GEMIN8: variants seen among roughly 807,000 people sequenced by gnomAD.
GEMIN8 encodes gem-associated protein 8.
For synonymous variants in GEMIN8, 80 were observed against 78.5 expected (o/e 1.02, Z -0.10); for missense variants, 185 against 205.9 (o/e 0.90, Z 0.62).
chrX:14,021,443 AT>A lies in GEMIN8; in HGVS notation c.15+20del. Reference sequence around the variant, plus strand: ...TTTTACTTACGAGCTCAAAAAAAAAATAAAAAAATAAAAATCTTACCTTTAC... The same window carrying A: ...TTTTACTTACGAGCTCAAAAAAAAAAAAAAAAATAAAAATCTTACCTTTAC... On this transcript the variant is annotated intron_variant, in intron 3 of 4. Transcript: ENST00000680255. 3 of 985,742 alleles carry A rather than the reference AT, an allele frequency of 3.0e-6. No homozygotes were observed. The highest frequency in any genetic ancestry group is 2.9e-6 in the Non-Finnish European group (2 of 699,053). 81.2% of individuals were successfully genotyped at this position (985,742 alleles called of 1,213,427 possible). A position where few individuals can be genotyped will look rare whatever the true frequency, so the allele number is the denominator to read the frequency against.
chrX:14,026,775 T>A (rs1924719983), intron 1 of GEMIN8, among the ~76,000 whole-genome samples: 1 of 112,699 alleles, frequency 8.9e-6, no homozygotes, highest in Admixed American at 9.3e-5. Flanking sequence ...CCCTAAAAAC[T>A]AGAATGTATA....
chrX:14,029,267 G>A (rs1718552154), intron 1 of GEMIN8: 1 of 112,201 alleles, frequency 8.9e-6, no homozygotes. Flanking sequence ...CAAGAGAAAA[G>A]AAAGAAACCC....
intron 2 of GEMIN8, among the ~76,000 whole-genome samples, chrX:14,022,689 A>C (rs1181533783): frequency 8.9e-6 from 1 of 112,151 alleles, no homozygotes; most frequent in Non-Finnish European, 1.9e-5. Flanking sequence ...ATGATAATTT[A>C]AGTTTCTGTG....
chrX:14,005,295 C>A (rs1239200838), downstream of GEMIN8, among the ~76,000 whole-genome samples: 1 of 111,150 alleles, frequency 9.0e-6, no homozygotes, highest in African/African-American at 3.3e-5. Flanking sequence ...CACCCCCTAA[C>A]CTCCAGGGAA....
chrX:14,023,927 C>A (rs950586870), intron 2 of GEMIN8, among the ~76,000 whole-genome samples: 2 of 112,215 alleles, frequency 1.8e-5, no homozygotes, highest in African/African-American at 6.5e-5. Context: ...ATCAATTATT[C>A]CAAACTGGGA....
chrX:14,009,680 G>A (rs1233141484), intron 4 of GEMIN8, among the ~76,000 whole-genome samples: 1 of 112,109 alleles, frequency 8.9e-6, no homozygotes, highest in Non-Finnish European at 1.9e-5. Flanking sequence ...TCATCTGCAC[G>A]GCCCACTCAC....
intron 2 of GEMIN8, among the ~76,000 whole-genome samples, chrX:14,021,818 A>ATATATATATATATAG (rs1208379002): frequency 1.1e-4 from 5 of 44,343 alleles, no homozygotes; most frequent in Admixed American, 6.3e-4. Context: ...GTGTGTGTAT[A>ATATATATATATATAG]TATATATATA....
At position 14,020,507 on chromosome X, in the gene GEMIN8, A is replaced by G; in HGVS notation, c.43T>C (p.Trp15Arg). 1.7e-6 allele frequency: 2 copies of G among 1,194,716 alleles called. No homozygotes were observed. Among genetic ancestry groups the G allele is most frequent in the Non-Finnish European group, 1.1e-6 (1 of 880,192 alleles). The change falls in exon 4 of 5, where the codon TGG (tryptophan) becomes CGG (arginine). Residue 15 changes from tryptophan (W) to arginine (R), a missense_variant. Transcript: ENST00000680255. ...CTTGCATATACCGGATGAGAATACC[A>G]AGGCCTGGTAGCTTTCGATGTTGAT... is the stretch of plus-strand genomic sequence containing the variant. Reference protein sequence around the residue: ...KASTSKATRPWYSHPVYARYW... With the variant: ...KASTSKATRPRYSHPVYARYW...
downstream of GEMIN8, among the ~76,000 whole-genome samples, chrX:14,001,815 C>T (rs1332193714): frequency 9.3e-6 from 1 of 107,063 alleles, no homozygotes; most frequent in Non-Finnish European, 1.9e-5. Flanking sequence ...CCGGCCCCAA[C>T]ATGTGCTTCT....
rs752633162 is a variant in GEMIN8 at position 14,009,452 on chromosome X, C to T, written c.473-283G>A. On this transcript the variant is annotated intron_variant, in intron 4 of 4. Coordinates refer to ENST00000680255, the MANE Select transcript of GEMIN8 (RefSeq NM_001042479.2). ...GAGTGCCTATAGTCCCACCTACTTG[C>T]GAGGCTGAGGTGGGAGGATGGCTTG... Among the ~76,000 whole-genome samples, 174 of 111,287 alleles carry T rather than the reference C, an allele frequency of 1.6e-3. 1 individual carries two copies. The highest frequency in any genetic ancestry group is 2.6e-3 in the Non-Finnish European group (136 of 52,994).
intron 2 of GEMIN8, among the ~76,000 whole-genome samples, chrX:14,021,816 A>G (rs113559302): frequency 0.012 from 467 of 39,186 alleles, 6 homozygotes; most frequent in East Asian, 0.087. Flanking sequence ...ATGTGTGTGT[A>G]TATATATATA....
In GEMIN8 at chrX:14,014,558, C is replaced by T. The variant is rs1322538427; in HGVS notation, c.473-5389G>A. 15 of 742,462 alleles carry T rather than the reference C, an allele frequency of 2.0e-5. No homozygotes were observed. In the East Asian group the frequency reaches 1.1e-3, roughly 53 times the overall value. The allele number at this position is 742,462 out of a possible 1,213,427, so 61.2% of individuals were successfully genotyped here. A position where few individuals can be genotyped will look rare whatever the true frequency, so the allele number is the denominator to read the frequency against. The stretch of plus-strand genomic sequence containing the variant: ...ATATCTGCACCAGATGAAACACACA[C>T]GCATGTCAGGATTGTGCTCAATCAC... On this transcript the variant is annotated intron_variant, in intron 4 of 4. Coordinates refer to ENST00000680255, the MANE Select transcript of GEMIN8 (RefSeq NM_001042479.2).
In GEMIN8 at chrX:14,007,119, GTTAA is replaced by G. The variant is rs754989805; in HGVS notation, c.*1790_*1793del. ...TAGTTATGTGTCACCTCAAGGGAAA[GTTAA>G]TTATCATTTTTGTCGGCAACACCTA... On this transcript the variant is annotated 3_prime_UTR_variant, in exon 5 of 5. Coordinates refer to ENST00000680255, the MANE Select transcript of GEMIN8 (RefSeq NM_001042479.2). 8.9e-6 allele frequency among the ~76,000 whole-genome samples: 1 copy of G among 112,440 alleles called. No homozygotes were observed. Among genetic ancestry groups the G allele is most frequent in the South Asian group, 3.7e-4 (1 of 2,688 alleles).
chrX:13,996,933 C>CTTTTTTTT, the GEMIN8 span, among the ~76,000 whole-genome samples: 1 of 66,919 alleles, frequency 1.5e-5, no homozygotes, highest in African/African-American at 6.4e-5. Flanking sequence ...TGTGGCTTGT[C>CTTTTTTTT]TTTTTTTTTT....
chrX:14,009,021 G>A lies in GEMIN8; in HGVS notation c.621C>T (p.Asp207=). 2 of 1,211,677 alleles carry A rather than the reference G, an allele frequency of 1.7e-6. No homozygotes were observed. The highest frequency in any genetic ancestry group is 2.2e-6 in the Non-Finnish European group (2 of 895,218). The change falls in exon 5 of 5, where the codon GAC becomes GAT. Residue 207 remains aspartate (D), a synonymous_variant. Coordinates refer to ENST00000680255, the MANE Select transcript of GEMIN8 (RefSeq NM_001042479.2). ...RQAEMKRLYG[D]SAAKIQAMEA... ...CCATGGCTTGGATCTTGGCAGCACTGTCCCCGTACAAACGCTTCATCTCGG... is the reference window on the plus strand; with the variant it reads ...CCATGGCTTGGATCTTGGCAGCACTATCCCCGTACAAACGCTTCATCTCGG...
At chrX:14,024,078 G>A (rs1190397522) in intron 2 of GEMIN8, among the ~76,000 whole-genome samples, 1 of 112,474 alleles carries the variant, frequency 8.9e-6, no homozygotes, top group Non-Finnish European at 1.9e-5. Context: ...TCCACCAGAT[G>A]GCTAAGAGAG....
chrX:14,009,066 C>G lies in GEMIN8; in HGVS notation c.576G>C (p.Arg192Ser). 3 of 1,212,310 alleles carry G rather than the reference C, an allele frequency of 2.5e-6. No individual in the cohort carries two copies. The highest frequency in any genetic ancestry group is 3.4e-6 in the Non-Finnish European group (3 of 895,512). Residue 192 changes from arginine (R) to serine (S), a missense_variant, in exon 5 of 5, where the codon AGG becomes AGC. Coordinates refer to ENST00000680255, the MANE Select transcript of GEMIN8 (RefSeq NM_001042479.2). Reference sequence around the variant, plus strand: ...TCTCGGCCTGGCGCCGCTCACCAGGCCTCTCAGTTGGGGCTTCTACCGACC... The same window carrying G: ...TCTCGGCCTGGCGCCGCTCACCAGGGCTCTCAGTTGGGGCTTCTACCGACC... ...TRRSVEAPTE[R>S]PGERRQAEMK... is the part of the protein sequence containing the mutation.
intron 4 of GEMIN8, among the ~76,000 whole-genome samples, chrX:14,012,314 G>C (rs1923613441): frequency 9.3e-6 from 1 of 108,058 alleles, no homozygotes; most frequent in Non-Finnish European, 1.9e-5. Flanking sequence ...TTTGGAGATG[G>C]GGTTTTGCCA....
At chrX:13,999,287 T>C in the GEMIN8 span, among the ~76,000 whole-genome samples, 1 of 107,589 alleles carries the variant, frequency 9.3e-6, no homozygotes, top group African/African-American at 3.4e-5. Flanking sequence ...TTTTTTTTTT[T>C]TTTGGTGAGA....
Sources: gnomAD v4.1 joint callset for allele counts (sites outside exome capture counted in the v4.1 genomes callset) on GRCh38, gnomAD v4.1.1 for gene constraint, MANE v1.5 for transcripts, NCBI Gene and HGNC (gene_info 2026-07-23, HGNC 2026-07-21) for gene names.